Variants in RALA observed in about 807,000 individuals in gnomAD.
The protein encoded by RALA is ras-related protein Ral-A.
In RALA, 5 loss-of-function variants were observed where a neutral mutation model predicts 24.0. The observed-to-expected ratio is 0.21, with a 90% CI of 0.11 to 0.44. The LOEUF is 0.44. Among genes scored for constraint, RALA ranks in the 20% least tolerant of loss-of-function variants. The probability of loss-of-function intolerance (pLI) is 0.99; values close to 1 mark genes in which losing one functional copy is unlikely to be tolerated. For synonymous variants in RALA, 77 were observed against 83.8 expected, an observed-to-expected ratio of 0.92 and a Z score of 0.44; for missense variants, 95 against 241.2, an observed-to-expected ratio of 0.39 and a Z score of 4.01.
chr7:39,663,804 GA>G (rs1459052401), intron 1 of RALA, among the ~76,000 whole-genome samples: 1 of 151,944 alleles, frequency 6.6e-6, no homozygotes, highest in Non-Finnish European at 1.5e-5. Flanking sequence ...TGGGTCTAAC[GA>G]AAAAAAGCCA....
At chr7:39,674,972 C>G (rs549308969) in intron 1 of RALA, among the ~76,000 whole-genome samples, 2 of 152,010 alleles carry the variant, frequency 1.3e-5, no homozygotes, top group South Asian at 4.2e-4. Flanking sequence ...TACAGGCACA[C>G]GCTACCACAC....
intron 1 of RALA, among the ~76,000 whole-genome samples, chr7:39,639,800 C>CAGG (rs1791748636): frequency 6.6e-6 from 1 of 152,124 alleles, no homozygotes. Context: ...CAGCCTTGAA[C>CAGG]AGGACACCGT....
chr7:39,699,702 T>G (rs150329269), intron 4 of RALA, among the ~76,000 whole-genome samples: 206 of 152,358 alleles, frequency 1.4e-3, no homozygotes, highest in Middle Eastern at 6.8e-3. Flanking sequence ...CCATGTGTTT[T>G]AAACACACAT....
chr7:39,677,028 A>G (rs543041781), intron 1 of RALA, among the ~76,000 whole-genome samples: 1 of 152,340 alleles, frequency 6.6e-6, no homozygotes, highest in South Asian at 2.1e-4. Context: ...GGTTGGGCCA[A>G]ATGAATCACC....
intron 4 of RALA, among the ~76,000 whole-genome samples, chr7:39,699,332 G>A (rs1442151081): frequency 1.3e-5 from 2 of 150,576 alleles, no homozygotes; most frequent in Non-Finnish European, 2.9e-5. Context: ...AGTAGAGACG[G>A]GGTTTCACCT....
chr7:39,659,807 G>A (rs1191700901), intron 1 of RALA, among the ~76,000 whole-genome samples: 2 of 152,184 alleles, frequency 1.3e-5, no homozygotes, highest in Admixed American at 1.3e-4. Context: ...TCTCACTAGC[G>A]TGTTCTCTCT....
chr7:39,683,373 A>T lies in RALA; in HGVS notation c.-37-3258A>T, dbSNP rs572408510. 2.0e-5 allele frequency among the ~76,000 whole-genome samples: 3 copies of T among 152,264 alleles called. No individual in the cohort carries two copies. The East Asian group carries it at 5.8e-4, about 29-fold the overall frequency. On this transcript the variant is annotated intron_variant, in intron 1 of 4. Transcript: ENST00000005257. ...CAGAGCTGACTGGTTTCTTCAAAAC[A>T]TTCAGGTCTCAGCTCAAATGCCACC...
intron 4 of RALA, among the ~76,000 whole-genome samples, chr7:39,701,805 A>G (rs1347021899): frequency 6.6e-6 from 1 of 152,192 alleles, no homozygotes; most frequent in African/African-American, 2.4e-5. Context: ...GGGGCATGGC[A>G]TGTCTCAGGA....
intron 3 of RALA, 41 bp downstream of exon 3, chr7:39,690,631 CA>C (rs1332495805): frequency 6.9e-7 from 1 of 1,459,826 alleles, no homozygotes; most frequent in Non-Finnish European, 9.3e-7. Context: ...ACATACTATA[CA>C]ACAATTTCTT....
chr7:39,633,059 T>G (rs1791623798), intron 1 of RALA, among the ~76,000 whole-genome samples: 1 of 152,206 alleles, frequency 6.6e-6, no homozygotes, highest in African/African-American at 2.4e-5. Flanking sequence ...TCCTTTTCCC[T>G]TCTAGGCTAA....
At chr7:39,628,854 C>A (rs977962599) in intron 1 of RALA, among the ~76,000 whole-genome samples, 2 of 152,130 alleles carry the variant, frequency 1.3e-5, no homozygotes, top group Non-Finnish European at 2.9e-5. Flanking sequence ...CATGCCTGGC[C>A]AGTTTAATTT....
At chr7:39,638,316 G>T (rs1473357387) in intron 1 of RALA, among the ~76,000 whole-genome samples, 1 of 152,056 alleles carries the variant, frequency 6.6e-6, no homozygotes, top group African/African-American at 2.4e-5. Context: ...TTATAATAGG[G>T]ATCTTCATAA....
chr7:39,696,289 T>C (rs1792919680), intron 3 of RALA, among the ~76,000 whole-genome samples: 1 of 152,216 alleles, frequency 6.6e-6, no homozygotes, highest in African/African-American at 2.4e-5. Flanking sequence ...AACCCTACTT[T>C]AATCATGAGG....
At chr7:39,625,348 C>T (rs1375351153) in intron 1 of RALA, among the ~76,000 whole-genome samples, 1 of 152,170 alleles carries the variant, frequency 6.6e-6, no homozygotes, top group Non-Finnish European at 1.5e-5. Context: ...GTGTTAAATG[C>T]TTACTACTTG....
At chr7:39,681,302 CTTTTTTTTTT>C (rs70996832) in intron 1 of RALA, among the ~76,000 whole-genome samples, 220 of 50,028 alleles carry the variant, frequency 4.4e-3, no homozygotes, top group Non-Finnish European at 6.0e-3. Context: ...CACCCTATTC[CTTTTTTTTTT>C]TTTTTTTTTT....
intron 1 of RALA, among the ~76,000 whole-genome samples, chr7:39,682,425 C>G (rs75872394): frequency 0.039 from 5,971 of 152,306 alleles, 183 homozygotes; most frequent in Non-Finnish European, 0.052. Context: ...TACACACCAA[C>G]CAGGGTAATC....
Position 39,649,560 on chromosome 7 carries a change from C to T in RALA, c.-38+25735C>T, listed in dbSNP as rs531572097. ...CTAGTGAGGACACAGCATTCGTCCC[C>T]GCTGGAGGATGCAGCAACAGGGTGC... On this transcript the variant is annotated intron_variant, in intron 1 of 4. Coordinates refer to ENST00000005257, the MANE Select transcript of RALA (RefSeq NM_005402.4). Among the ~76,000 whole-genome samples the T allele has an allele frequency of 3.9e-5, 6 of 152,296 alleles. No individual in the cohort carries two copies. The East Asian group carries it at 5.8e-4, about 15-fold the overall frequency.
At chr7:39,676,274 C>T (rs1792486200) in intron 1 of RALA, among the ~76,000 whole-genome samples, 1 of 152,098 alleles carries the variant, frequency 6.6e-6, no homozygotes, top group African/African-American at 2.4e-5. Context: ...CGCACCCAGC[C>T]GATCATAAGC....
chr7:39,624,087 T>C (rs1427908957), intron 1 of RALA: 1 of 151,662 alleles, frequency 6.6e-6, no homozygotes, highest in African/African-American at 2.4e-5. Flanking sequence ...CCGGTCTCAG[T>C]TGGCCTCGTC....
Sources: allele counts gnomAD v4.1 joint callset (sites outside exome capture counted in the v4.1 genomes callset), GRCh38; gene constraint gnomAD v4.1.1; transcripts MANE v1.5; gene names NCBI Gene and HGNC (gene_info 2026-07-23, HGNC 2026-07-21).